The following HUWE1 variants were observed in gnomAD, a reference collection of about 807,000 sequenced individuals.
HUWE1 encodes HECT, UBA and WWE domain containing E3 ubiquitin protein ligase 1.
A neutral mutation model predicts 299.4 loss-of-function variants in HUWE1; 18 were observed. The ratio of observed to expected loss-of-function variants is 0.06; its 90% CI spans 0.04 to 0.09. The LOEUF is 0.09. Among genes scored for constraint, HUWE1 ranks in the 10% least tolerant of loss-of-function variants. The probability of loss-of-function intolerance (pLI) is 1.00; values close to 1 mark genes in which losing one functional copy is unlikely to be tolerated. For synonymous variants in HUWE1, 1,317 were observed against 1,286.1 expected (o/e 1.02, Z -0.51); for missense variants, 1,832 against 3,462.3 (o/e 0.53, Z 11.82).
Position 53,537,540 on chromosome X carries a change from G to A in HUWE1, c.12137+16C>T, listed in dbSNP as rs782065226. On this transcript the variant is annotated intron_variant, in intron 78 of 83. Coordinates refer to ENST00000262854, the MANE Select transcript of HUWE1 (RefSeq NM_031407.7). ...ACCTCCCACCCGCCATCTTTTCTCC[G>A]TTCCTGGGCCCTTACAATCGATTCT... 20 of 1,207,333 alleles carry A rather than the reference G, an allele frequency of 1.7e-5. No homozygotes were observed. The highest frequency in any genetic ancestry group is 6.6e-5 in the Admixed American group (3 of 45,620).
chrX:53,627,176 A>G (rs1353698177), intron 17 of HUWE1, among the ~76,000 whole-genome samples: 2 of 111,694 alleles, frequency 1.8e-5, no homozygotes, highest in African/African-American at 6.5e-5. Flanking sequence ...CACCACAGCT[A>G]TAGCATCTGC....
chrX:53,582,923 A>G (rs781858830), intron 42 of HUWE1, among the ~76,000 whole-genome samples: 33 of 111,454 alleles, frequency 3.0e-4, no homozygotes, highest in Non-Finnish European at 4.5e-4. Flanking sequence ...CAGGTGATTT[A>G]CCTGCCTCCC....
intron 52 of HUWE1, 75 bp from the exon 53 acceptor site, chrX:53,563,004 C>T (rs2062364406): frequency 1.2e-6 from 1 of 827,434 alleles, no homozygotes; most frequent in Non-Finnish European, 1.8e-6. Context: ...TCTAAAGTAG[C>T]TATGTACACC....
rs781814022 is a variant in HUWE1 at position 53,545,070 on chromosome X, C to T, written c.11007G>A (p.Glu3669=). ...CCTTCAGCTTGGTGGTCTGTGGCTG[C>T]TCCTCAGGCAGGCCATCAGGAGAGA... ...ETLSPDGLPE[E]QPQTTKLKGK... is the part of the protein sequence containing the mutation. The change falls in exon 71 of 84, where the codon GAG becomes GAA. Residue 3669 remains glutamate, a synonymous_variant. Coordinates refer to ENST00000262854, the MANE Select transcript of HUWE1 (RefSeq NM_031407.7). 3.3e-6 allele frequency: 4 copies of T among 1,208,236 alleles called. No individual in the cohort carries two copies. The highest frequency in any genetic ancestry group is 3.0e-5 in the East Asian group (1 of 33,709).
At chrX:53,584,720 C>T (rs983478203) in intron 40 of HUWE1, among the ~76,000 whole-genome samples, 3 of 111,477 alleles carry the variant, frequency 2.7e-5, no homozygotes, top group Non-Finnish European at 3.8e-5. Flanking sequence ...GGTAACTCTC[C>T]TCCTCCTAAC....
chrX:53,607,780 C>G (rs782555622), intron 24 of HUWE1, 81 bp from the exon 25 acceptor site: 2 of 621,776 alleles, frequency 3.2e-6, no homozygotes, highest in Admixed American at 5.3e-5. Flanking sequence ...GATGGGGTAG[C>G]CTTCTAGTCA....
chrX:53,613,990 T>C (rs2065643816), intron 23 of HUWE1, among the ~76,000 whole-genome samples: 1 of 112,339 alleles, frequency 8.9e-6, no homozygotes, highest in African/African-American at 3.2e-5. Flanking sequence ...CCTGGCCGGA[T>C]GCGGTAGCTC....
chrX:53,578,338 C>G (rs1308877085), intron 43 of HUWE1, among the ~76,000 whole-genome samples: 1 of 106,982 alleles, frequency 9.3e-6, no homozygotes, highest in East Asian at 3.0e-4. Context: ...GCAGCCACCC[C>G]GTCTGGGAGG....
chrX:53,546,940 G>A, intron 68 of HUWE1, 115 bp from the exon 69 acceptor site: 1 of 962,427 alleles, frequency 1.0e-6, no homozygotes, highest in Non-Finnish European at 1.4e-6. Flanking sequence ...GGAAAGTACT[G>A]AAAAAGAAAA....
At chrX:53,647,340 A>AG in intron 6 of HUWE1, 28 bp downstream of exon 6, 1 of 1,042,909 alleles carries the variant, frequency 9.6e-7, no homozygotes, top group Non-Finnish European at 1.3e-6. Flanking sequence ...AGTCAAGAAC[A>AG]GGGTACACAG....
intron 7 of HUWE1, among the ~76,000 whole-genome samples, chrX:53,642,193 T>C (rs1465970985): frequency 1.8e-5 from 2 of 112,272 alleles, no homozygotes; most frequent in Non-Finnish European, 3.8e-5. Context: ...CTTGTTCATG[T>C]ATCTGTCCCA....
rs191341766 is a variant in HUWE1, at chrX:53,628,364, T to C, written c.1242+129A>G. 1.2e-3 allele frequency: 841 copies of C among 704,972 alleles called. 1 individual carries two copies. The highest frequency in any genetic ancestry group is 0.011 in the Middle Eastern group (23 of 2,149). The allele number at this position is 704,972 out of a possible 1,213,427, so 58.1% of individuals were successfully genotyped here. The stretch of plus-strand genomic sequence containing the variant: ...AAGCCAAACTGGCCTTCTACTTAAG[T>C]ATAACTTTTTCTGGATAAGCTTTCT... On this transcript the variant is annotated intron_variant, in intron 15 of 83. Transcript: ENST00000262854.
At chrX:53,660,096 C>G (rs1198639792) in intron 3 of HUWE1, among the ~76,000 whole-genome samples, 2 of 111,745 alleles carry the variant, frequency 1.8e-5, no homozygotes, top group Non-Finnish European at 3.8e-5. Context: ...TGGAGAGTAT[C>G]TGATAGCTCA....
intron 11 of HUWE1, 117 bp downstream of exon 11, chrX:53,631,297 A>T: frequency 1.7e-6 from 1 of 600,476 alleles, no homozygotes; most frequent in Admixed American, 3.0e-5. Flanking sequence ...CAATTTGCCC[A>T]TGGTCTGACT....
chrX:53,677,586 T>C (rs1472848301), intron 3 of HUWE1, among the ~76,000 whole-genome samples: 2 of 99,837 alleles, frequency 2.0e-5, no homozygotes, highest in Non-Finnish European at 2.0e-5. Context: ...ATAAAGAATA[T>C]TGGAAGTTTA....
chrX:53,653,523 A>G (rs1569511369), intron 4 of HUWE1, among the ~76,000 whole-genome samples: 1 of 111,825 alleles, frequency 8.9e-6, no homozygotes, highest in Non-Finnish European at 1.9e-5. Flanking sequence ...AGCTGGTGGA[A>G]TATTACTAGA....
intron 31 of HUWE1, among the ~76,000 whole-genome samples, chrX:53,594,246 T>C (rs782117144): frequency 8.9e-6 from 1 of 112,002 alleles, no homozygotes; most frequent in Admixed American, 9.4e-5. Context: ...AAACCCATAC[T>C]TGGAACTGGA....
intron 17 of HUWE1, among the ~76,000 whole-genome samples, chrX:53,626,324 GGTAAGTAA>G (rs2066501323): frequency 9.2e-6 from 1 of 108,938 alleles, no homozygotes; most frequent in Non-Finnish European, 1.9e-5. Context: ...GGGGGAGAGT[GGTAAGTAA>G]AATGTGCAAT....
At chrX:53,578,483 G>A (rs1281129564) in intron 43 of HUWE1, among the ~76,000 whole-genome samples, 1 of 95,399 alleles carries the variant, frequency 1.0e-5, no homozygotes, top group Non-Finnish European at 2.2e-5. Context: ...GGAGGGAGGT[G>A]GGGGGGTCAG....
Sources: gnomAD v4.1 joint callset for allele counts (sites outside exome capture counted in the v4.1 genomes callset) on GRCh38, gnomAD v4.1.1 for gene constraint, MANE v1.5 for transcripts, NCBI Gene and HGNC (gene_info 2026-07-23, HGNC 2026-07-21) for gene names.